The following JAZF1 variants were observed in gnomAD, a reference collection of about 807,000 sequenced individuals.
The protein encoded by JAZF1 is juxtaposed with another zinc finger protein 1.
Under a neutral mutation model 26.4 loss-of-function variants are expected in JAZF1, and 8 were observed. That is an observed-to-expected ratio of 0.30 (90% CI 0.18 to 0.55). The LOEUF is 0.55. Among genes scored for constraint, JAZF1 ranks in the 20% least tolerant of loss-of-function variants. JAZF1 has a pLI of 0.94. For missense variants in JAZF1, 199 were observed against 322.0 expected (o/e 0.62, Z 2.92); for synonymous variants, 126 against 122.3 (o/e 1.03, Z -0.20).
chr7:27,924,220 G>A (rs549697412), intron 2 of JAZF1, among the ~76,000 whole-genome samples: 11 of 152,288 alleles, frequency 7.2e-5, no homozygotes, highest in African/African-American at 2.6e-4. Context: ...TGGAATTACA[G>A]GCGCCCGCCA....
chr7:28,024,893 C>T (rs1783067342), intron 1 of JAZF1, among the ~76,000 whole-genome samples: 1 of 152,146 alleles, frequency 6.6e-6, no homozygotes, highest in Non-Finnish European at 1.5e-5. Flanking sequence ...GACAAGGATT[C>T]CATAGACCAA....
At chr7:27,888,067 T>C (rs991841048) in intron 3 of JAZF1, among the ~76,000 whole-genome samples, 1 of 152,140 alleles carries the variant, frequency 6.6e-6, no homozygotes, top group African/African-American at 2.4e-5. Context: ...AGGCGGAGAA[T>C]ATAGCAACAT....
intron 3 of JAZF1, among the ~76,000 whole-genome samples, chr7:27,894,237 C>T (rs62451112): frequency 0.18 from 28,064 of 151,994 alleles, 3,000 homozygotes; most frequent in East Asian, 0.44. Flanking sequence ...AATGCCATTT[C>T]GCCCAGGCTG....
At chr7:28,162,516 T>C (rs1489556517) in intron 1 of JAZF1, among the ~76,000 whole-genome samples, 1 of 152,232 alleles carries the variant, frequency 6.6e-6, no homozygotes, top group Non-Finnish European at 1.5e-5. Context: ...GAGTGACCGC[T>C]CCTTGGGATC....
At chr7:27,943,225 C>T (rs1301920579) in intron 2 of JAZF1, among the ~76,000 whole-genome samples, 1 of 152,108 alleles carries the variant, frequency 6.6e-6, no homozygotes, top group Admixed American at 6.5e-5. Flanking sequence ...GTTCACATCC[C>T]CTACATCCGG....
intron 1 of JAZF1, among the ~76,000 whole-genome samples, chr7:28,000,194 A>G (rs1350405283): frequency 6.6e-6 from 1 of 152,150 alleles, no homozygotes; most frequent in East Asian, 1.9e-4. Context: ...ATACTTCAGA[A>G]GAGTGGTTCT....
intron 2 of JAZF1, among the ~76,000 whole-genome samples, chr7:27,977,755 T>G (rs1251516668): frequency 1.3e-5 from 2 of 152,150 alleles, no homozygotes; most frequent in African/African-American, 4.8e-5. Context: ...TTCAGCAACT[T>G]TAGTTGTGCC....
At chr7:28,140,480 C>T (rs57720904) in intron 1 of JAZF1, among the ~76,000 whole-genome samples, 17,111 of 152,130 alleles carry the variant, frequency 0.11, 1,455 homozygotes, top group East Asian at 0.47. Context: ...ATACTCACTA[C>T]AGTATTTTTA....
At chr7:28,070,416 AG>A (rs1275556872) in intron 1 of JAZF1, among the ~76,000 whole-genome samples, 2 of 152,206 alleles carry the variant, frequency 1.3e-5, no homozygotes, top group Non-Finnish European at 2.9e-5. Context: ...AAAGAAGAAA[AG>A]CTTCTAGATA....
At chr7:27,841,011 G>T in intron 3 of JAZF1, 144 bp from the exon 4 acceptor site, 1 of 722,292 alleles carries the variant, frequency 1.4e-6, no homozygotes, top group Non-Finnish European at 2.3e-6. Context: ...CCAGGGGACT[G>T]CAAACACGGC....
intron 1 of JAZF1, among the ~76,000 whole-genome samples, chr7:28,125,626 A>T (rs1352759199): frequency 6.6e-6 from 1 of 152,078 alleles, no homozygotes; most frequent in Admixed American, 6.5e-5. Context: ...TGATACAAAA[A>T]ATCCCCTGAT....
At chr7:28,079,257 T>C (rs1784099685) in intron 1 of JAZF1, among the ~76,000 whole-genome samples, 1 of 152,160 alleles carries the variant, frequency 6.6e-6, no homozygotes, top group Non-Finnish European at 1.5e-5. Flanking sequence ...CCTCCCAAAG[T>C]GTTAGGATTA....
At chr7:28,007,602 T>C (rs1175847506) in intron 1 of JAZF1, among the ~76,000 whole-genome samples, 2 of 151,758 alleles carry the variant, frequency 1.3e-5, no homozygotes, top group African/African-American at 4.8e-5. Flanking sequence ...GACACTAAGG[T>C]TGCTCTTGGG....
At chr7:28,151,701 C>T (rs1388275505) in intron 1 of JAZF1, among the ~76,000 whole-genome samples, 4 of 151,710 alleles carry the variant, frequency 2.6e-5, no homozygotes, top group Non-Finnish European at 5.9e-5. Context: ...ACTTGGGAGG[C>T]TGAGGCTTGA....
At position 27,934,310 on chromosome 7, in the gene JAZF1, G is replaced by A. The variant is rs905836543; in HGVS notation, c.189-38894C>T. 4.6e-5 allele frequency among the ~76,000 whole-genome samples: 7 copies of A among 152,042 alleles called. No individual in the cohort carries two copies. In the South Asian group the frequency reaches 6.2e-4, roughly 14 times the overall value. On this transcript the variant is annotated intron_variant, in intron 2 of 4. Coordinates refer to ENST00000283928, the MANE Select transcript of JAZF1 (RefSeq NM_175061.4). Reference sequence around the variant, plus strand: ...GAAAGGCTTTTCTCTAGTAAATTACGTGGTTTACCAAAGCAAGATGTAAAC... The same window carrying A: ...GAAAGGCTTTTCTCTAGTAAATTACATGGTTTACCAAAGCAAGATGTAAAC...
chr7:28,136,787 A>T (rs1055526636), intron 1 of JAZF1, among the ~76,000 whole-genome samples: 32 of 152,202 alleles, frequency 2.1e-4, no homozygotes, highest in Non-Finnish European at 5.9e-5. Flanking sequence ...TTCAGGGACA[A>T]AGGTATGTCT....
At chr7:28,070,417 G>A (rs766512137) in intron 1 of JAZF1, among the ~76,000 whole-genome samples, 5 of 152,166 alleles carry the variant, frequency 3.3e-5, no homozygotes, top group Non-Finnish European at 7.3e-5. Context: ...AAGAAGAAAA[G>A]CTTCTAGATA....
chr7:27,977,904 C>T (rs1274467149), intron 2 of JAZF1, among the ~76,000 whole-genome samples: 1 of 152,196 alleles, frequency 6.6e-6, no homozygotes, highest in Non-Finnish European at 1.5e-5. Context: ...CCTAAGCTTC[C>T]TTTCTTTCAG....
chr7:28,118,739 A>T (rs143515131), intron 1 of JAZF1, among the ~76,000 whole-genome samples: 3,334 of 149,680 alleles, frequency 0.022, 69 homozygotes, highest in Non-Finnish European at 0.027. Flanking sequence ...TAGTTGTTGG[A>T]GATCTATTTC....
Sources: allele counts gnomAD v4.1 joint callset (sites outside exome capture counted in the v4.1 genomes callset), GRCh38; gene constraint gnomAD v4.1.1; transcripts MANE v1.5; gene names NCBI Gene and HGNC (gene_info 2026-07-23, HGNC 2026-07-21).